WASF3: variants seen among roughly 807,000 people sequenced by gnomAD.
WASF3 encodes the protein WASP family member 3.
WASF3 carries 11 observed loss-of-function variants against 46.6 expected under a neutral mutation model. The observed-to-expected ratio is 0.24, with a 90% CI of 0.15 to 0.39. The LOEUF (loss-of-function observed/expected upper bound fraction) is 0.39. WASF3 is among the 10% of genes least tolerant of loss of function. The pLI is 1.00. For missense variants in WASF3, 576 were observed against 669.8 expected (o/e 0.86, Z 1.55); for synonymous variants, 242 against 259.7 (o/e 0.93, Z 0.65).
At chr13:26,641,991 C>G (rs1246914717) in intron 2 of WASF3, 1 of 188,044 alleles carries the variant, frequency 5.3e-6, no homozygotes, top group African/African-American at 2.3e-5. Flanking sequence ...TTTGCCTTTC[C>G]TCTCTCTCCT....
At chr13:26,542,873 T>C in the WASF3 span, among the ~76,000 whole-genome samples, 3 of 152,198 alleles carry the variant, frequency 2.0e-5, no homozygotes, top group Non-Finnish European at 4.4e-5. Flanking sequence ...CCTTGGGACA[T>C]TTTTTTAAAT....
chr13:26,681,333 G>T lies in WASF3; in HGVS notation c.983+13G>T. 6.4e-7 allele frequency: 1 copy of T among 1,565,498 alleles called. No homozygotes were observed. Among genetic ancestry groups the T allele is most frequent in the Non-Finnish European group, 8.6e-7 (1 of 1,156,292 alleles). ...CAGCAGACTACGGGTAACTCAGCAT[G>T]CCTTGTACCCTAATCCCTCCTGGCC... On this transcript the variant is annotated intron_variant, in intron 8 of 9. Coordinates refer to ENST00000335327, the MANE Select transcript of WASF3 (RefSeq NM_006646.6).
chr13:26,562,083 C>A (rs1879312036), intron 1 of WASF3, among the ~76,000 whole-genome samples: 1 of 152,158 alleles, frequency 6.6e-6, no homozygotes, highest in South Asian at 2.1e-4. Flanking sequence ...GCCTGAGACT[C>A]CAAGGGTGCG....
chr13:26,572,167 T>A (rs1045523866), intron 1 of WASF3, among the ~76,000 whole-genome samples: 1 of 152,220 alleles, frequency 6.6e-6, no homozygotes, highest in Non-Finnish European at 1.5e-5. Context: ...CCATTGTTTG[T>A]GCCTTTAATT....
At chr13:26,539,238 G>C in the WASF3 span, among the ~76,000 whole-genome samples, 32,601 of 151,922 alleles carry the variant, frequency 0.21, 3,737 homozygotes, top group Admixed American at 0.28. Context: ...CAGAGCCAAG[G>C]TTAGTTACTG....
At chr13:26,551,332 G>A in the WASF3 span, among the ~76,000 whole-genome samples, 1 of 152,118 alleles carries the variant, frequency 6.6e-6, no homozygotes, top group East Asian at 1.9e-4. Context: ...GCTTCATGGG[G>A]GATGGAAGCC....
At chr13:26,671,342 AT>A (rs1882919506) in intron 5 of WASF3, among the ~76,000 whole-genome samples, 1 of 152,148 alleles carries the variant, frequency 6.6e-6, no homozygotes, top group Admixed American at 6.5e-5. Context: ...GTTCATCACT[AT>A]TTTTCCTTAC....
chr13:26,577,276 G>T, intron 1 of WASF3: 2 of 742,668 alleles, frequency 2.7e-6, no homozygotes, highest in South Asian at 1.4e-5. Context: ...ACTACCGATG[G>T]TTACTTGCTT....
intron 3 of WASF3, among the ~76,000 whole-genome samples, chr13:26,645,769 A>G (rs1372198998): frequency 6.6e-6 from 1 of 152,218 alleles, no homozygotes; most frequent in Admixed American, 6.5e-5. Context: ...AGCAAGACCC[A>G]CAGATGACCC....
At chr13:26,627,510 T>C (rs1336014771) in intron 2 of WASF3, among the ~76,000 whole-genome samples, 1 of 152,176 alleles carries the variant, frequency 6.6e-6, no homozygotes, top group East Asian at 1.9e-4. Flanking sequence ...AGTCAAAGTT[T>C]ATATGTGTCA....
At chr13:26,637,336 A>G (rs1881858980) in intron 2 of WASF3, among the ~76,000 whole-genome samples, 1 of 152,202 alleles carries the variant, frequency 6.6e-6, no homozygotes, top group Admixed American at 6.5e-5. Context: ...GCATTCATCT[A>G]GAATTCCCCA....
chr13:26,662,209 G>A (rs1261929532), intron 3 of WASF3, among the ~76,000 whole-genome samples: 2 of 152,248 alleles, frequency 1.3e-5, no homozygotes, highest in Admixed American at 6.5e-5. Context: ...TGGTGGGAAT[G>A]TAAATTAGTT....
At chr13:26,626,745 C>T (rs77400993) in intron 2 of WASF3, among the ~76,000 whole-genome samples, 101 of 152,190 alleles carry the variant, frequency 6.6e-4, no homozygotes, top group African/African-American at 2.4e-3. Context: ...GACTTTGGAA[C>T]AAAGATTATT....
At chr13:26,551,444 ACAT>A in the WASF3 span, among the ~76,000 whole-genome samples, 1 of 152,204 alleles carries the variant, frequency 6.6e-6, no homozygotes, top group Non-Finnish European at 1.5e-5. Context: ...AGTTCCAATG[ACAT>A]CATGAAAACT....
chr13:26,609,074 A>G (rs1461683797), intron 1 of WASF3, among the ~76,000 whole-genome samples: 2 of 152,198 alleles, frequency 1.3e-5, no homozygotes, highest in African/African-American at 4.8e-5. Context: ...TCAGGGACCA[A>G]AATAGTAAAT....
intron 2 of WASF3, among the ~76,000 whole-genome samples, chr13:26,638,940 T>C (rs1198563192): frequency 2.0e-5 from 3 of 152,182 alleles, no homozygotes; most frequent in African/African-American, 7.2e-5. Flanking sequence ...TTCCTTGGTT[T>C]CTGTTGTTTC....
intron 1 of WASF3, among the ~76,000 whole-genome samples, chr13:26,584,132 G>A (rs901731318): frequency 2.6e-5 from 4 of 152,160 alleles, no homozygotes; most frequent in African/African-American, 9.7e-5. Flanking sequence ...CTTCCTTCCA[G>A]GTACCTCTTT....
chr13:26,621,991 G>A (rs922125080), intron 2 of WASF3, among the ~76,000 whole-genome samples: 5 of 152,122 alleles, frequency 3.3e-5, no homozygotes, highest in Non-Finnish European at 7.4e-5. Context: ...TACTCTATGG[G>A]CCCTGGCTAC....
intron 1 of WASF3, among the ~76,000 whole-genome samples, chr13:26,589,019 CTT>C (rs1566043527): frequency 6.6e-6 from 1 of 151,986 alleles, no homozygotes. Context: ...GTCTCAAACT[CTT>C]GGGCTCAAAT....
Sources: gnomAD v4.1 joint callset for allele counts (sites outside exome capture counted in the v4.1 genomes callset) on GRCh38, gnomAD v4.1.1 for gene constraint, MANE v1.5 for transcripts, NCBI Gene and HGNC (gene_info 2026-07-23, HGNC 2026-07-21) for gene names.